CAMK1D: variants seen among roughly 807,000 people sequenced by gnomAD.
The protein encoded by CAMK1D is calcium/calmodulin dependent protein kinase ID.
Under a neutral mutation model 47.7 loss-of-function variants are expected in CAMK1D, and 9 were observed. The ratio of observed to expected loss-of-function variants is 0.19; its 90% CI spans 0.11 to 0.33. The LOEUF is 0.33. Among genes scored for constraint, CAMK1D ranks in the 10% least tolerant of loss-of-function variants. The probability of loss-of-function intolerance (pLI) is 1.00; values close to 1 mark genes in which losing one functional copy is unlikely to be tolerated. For synonymous variants in CAMK1D, 184 were observed against 184.9 expected (o/e 0.99, Z 0.04); for missense variants, 291 against 488.7 (o/e 0.60, Z 3.81).
At chr10:12,827,468 G>GTCTTTCTTTCTTTCTTTCTT (rs1294410746) in intron 10 of CAMK1D, among the ~76,000 whole-genome samples, 133 of 3,774 alleles carry the variant, frequency 0.035, 33 homozygotes, top group Non-Finnish European at 0.083. Flanking sequence ...TTCTTTGTCT[G>GTCTTTCTTTCTTTCTTTCTT]TCTGTCTTTC....
intron 1 of CAMK1D, among the ~76,000 whole-genome samples, chr10:12,541,755 C>G (rs972268354): frequency 1.3e-5 from 2 of 152,142 alleles, no homozygotes; most frequent in African/African-American, 2.4e-5. Flanking sequence ...TGATTCTGAT[C>G]TGGAACAATA....
intron 3 of CAMK1D, among the ~76,000 whole-genome samples, chr10:12,699,483 T>C (rs1833426422): frequency 6.6e-6 from 1 of 152,192 alleles, no homozygotes; most frequent in South Asian, 2.1e-4. Context: ...TGCTCTTGTC[T>C]GAAGCTGAGC....
At chr10:12,527,564 C>T (rs1215218506) in intron 1 of CAMK1D, among the ~76,000 whole-genome samples, 2 of 152,090 alleles carry the variant, frequency 1.3e-5, no homozygotes, top group African/African-American at 4.8e-5. Flanking sequence ...GACAGGGTTT[C>T]ACCATGTTGG....
At position 12,767,962 on chromosome 10, in the gene CAMK1D, T is replaced by C. The variant is rs531295389; in HGVS notation, c.439-1711T>C. Among the ~76,000 whole-genome samples the C allele has an allele frequency of 1.2e-4, 18 of 152,294 alleles. No homozygotes were observed. The East Asian group carries it at 3.3e-3, about 28-fold the overall frequency. On this transcript the variant is annotated intron_variant, in intron 4 of 10. Transcript: ENST00000619168. The stretch of plus-strand genomic sequence containing the variant: ...ATCTTGGCTCACTGCAACCTCCGCC[T>C]CCTGGGTTCAAGCAATTCTCCTGCC...
chr10:12,585,460 C>T (rs1327485927), intron 2 of CAMK1D, among the ~76,000 whole-genome samples: 1 of 152,118 alleles, frequency 6.6e-6, no homozygotes, highest in Non-Finnish European at 1.5e-5. Flanking sequence ...TGTATTTGTC[C>T]GTTTTCACGC....
intron 3 of CAMK1D, among the ~76,000 whole-genome samples, chr10:12,699,421 G>A (rs1310867286): frequency 6.6e-6 from 1 of 152,064 alleles, no homozygotes; most frequent in African/African-American, 2.4e-5. Flanking sequence ...GTTCTTCAAG[G>A]AAATGCTTCA....
At chr10:12,429,260 G>A (rs1840359366) in intron 1 of CAMK1D, among the ~76,000 whole-genome samples, 1 of 152,046 alleles carries the variant, frequency 6.6e-6, no homozygotes, top group African/African-American at 2.4e-5. Flanking sequence ...TCTCCAGCCT[G>A]CAGTGTGAAT....
intron 1 of CAMK1D, among the ~76,000 whole-genome samples, chr10:12,431,607 G>A (rs1832478466): frequency 1.3e-5 from 2 of 152,180 alleles, no homozygotes; most frequent in African/African-American, 4.8e-5. Flanking sequence ...CTATCGTGGA[G>A]CACCTGAGGA....
At chr10:12,827,303 C>CTT (rs879613428) in intron 10 of CAMK1D, among the ~76,000 whole-genome samples, 6 of 82,298 alleles carry the variant, frequency 7.3e-5, no homozygotes, top group Admixed American at 1.3e-4. Flanking sequence ...TTCTTTCTCT[C>CTT]TCTTTTTCTT....
At position 12,648,695 on chromosome 10, in the gene CAMK1D, T is replaced by C. The variant is rs550813121; in HGVS notation, c.225-18041T>C. 1.2e-4 allele frequency among the ~76,000 whole-genome samples: 18 copies of C among 152,228 alleles called. 1 individual carries two copies. The South Asian group carries it at 3.5e-3, about 30-fold the overall frequency. On this transcript the variant is annotated intron_variant, in intron 2 of 10. Coordinates refer to ENST00000619168, the MANE Select transcript of CAMK1D (RefSeq NM_153498.4). Reference sequence around the variant, plus strand: ...TATCTTGGCCAGGCTGGTCTTGAACTCCTGACCTCAGGTGATCCACCCACC... The same window carrying C: ...TATCTTGGCCAGGCTGGTCTTGAACCCCTGACCTCAGGTGATCCACCCACC...
At chr10:12,800,029 G>T (rs1838360407) in intron 6 of CAMK1D, among the ~76,000 whole-genome samples, 1 of 151,990 alleles carries the variant, frequency 6.6e-6, no homozygotes. Flanking sequence ...AACCTCAGAG[G>T]GTGCAGCAGG....
chr10:12,692,142 G>A (rs1185650814), intron 3 of CAMK1D, among the ~76,000 whole-genome samples: 1 of 152,154 alleles, frequency 6.6e-6, no homozygotes, highest in Non-Finnish European at 1.5e-5. Context: ...TGTATTAAGA[G>A]CACTTGTTTG....
At chr10:12,398,981 C>T (rs187916038) in intron 1 of CAMK1D, among the ~76,000 whole-genome samples, 64 of 152,124 alleles carry the variant, frequency 4.2e-4, no homozygotes, top group Non-Finnish European at 5.6e-4. Flanking sequence ...GGACTCTTGC[C>T]GATTTCTGTG....
chr10:12,764,398 A>AAAAAAC (rs1554822757), intron 4 of CAMK1D, among the ~76,000 whole-genome samples: 4 of 151,292 alleles, frequency 2.6e-5, no homozygotes, highest in African/African-American at 9.7e-5. Context: ...AAAAAAAAAA[A>AAAAAAC]CATTGATCTA....
At chr10:12,551,455 T>C (rs1388416806) in intron 1 of CAMK1D, among the ~76,000 whole-genome samples, 1 of 152,154 alleles carries the variant, frequency 6.6e-6, no homozygotes, top group Non-Finnish European at 1.5e-5. Flanking sequence ...TACTGTGTAA[T>C]AATAATAGAA....
chr10:12,393,103 C>T (rs1291273265), intron 1 of CAMK1D, among the ~76,000 whole-genome samples: 1 of 151,480 alleles, frequency 6.6e-6, no homozygotes, highest in African/African-American at 2.4e-5. Context: ...GCAATCTCTG[C>T]TCACTCCAAG....
At chr10:12,606,211 G>A (rs766361220) in intron 2 of CAMK1D, among the ~76,000 whole-genome samples, 8 of 152,166 alleles carry the variant, frequency 5.3e-5, no homozygotes, top group Non-Finnish European at 8.8e-5. Context: ...GAGGGAGCGC[G>A]GGGCCTCTGA....
intron 8 of CAMK1D, among the ~76,000 whole-genome samples, chr10:12,817,008 ATATCT>A (rs79113740): frequency 0.14 from 21,663 of 151,990 alleles, 1,838 homozygotes; most frequent in East Asian, 0.38. Flanking sequence ...GTAGCAAGTC[ATATCT>A]TACATGGATG....
At chr10:12,588,904 G>A (rs201996678) in intron 2 of CAMK1D, among the ~76,000 whole-genome samples, 21 of 140,500 alleles carry the variant, frequency 1.5e-4, no homozygotes, top group African/African-American at 6.1e-4. Context: ...GTGTGTGTGT[G>A]TATATATAAC....
Sources: gnomAD v4.1 joint callset for allele counts (sites outside exome capture counted in the v4.1 genomes callset) on GRCh38, gnomAD v4.1.1 for gene constraint, MANE v1.5 for transcripts, NCBI Gene and HGNC (gene_info 2026-07-23, HGNC 2026-07-21) for gene names.